The following ETV1 variants were observed in gnomAD, a reference collection of about 807,000 sequenced individuals.
ETV1 encodes the protein ETS translocation variant 1.
ETV1 carries 27 observed loss-of-function variants against 62.3 expected under a neutral mutation model. The observed-to-expected ratio is 0.43, with a 90% CI of 0.32 to 0.60. The LOEUF is 0.60. ETV1 is among the 20% of genes least tolerant of loss of function. The pLI is 0.06. For missense variants in ETV1, 605 were observed against 605.8 expected, an observed-to-expected ratio of 1.00 and a Z score of 0.01; for synonymous variants, 222 against 199.6, an observed-to-expected ratio of 1.11 and a Z score of -0.94.
At chr7:13,963,049 T>C (rs1374437486) in intron 6 of ETV1, among the ~76,000 whole-genome samples, 3 of 152,248 alleles carry the variant, frequency 2.0e-5, no homozygotes, top group Non-Finnish European at 1.5e-5. Context: ...TCAACACCTA[T>C]GAATGTAGTT....
rs147532302 is a variant in ETV1, at chr7:13,988,204, G to T, written c.46-31C>A. ...AAGGGAAAGATAAAATCCTTTAAAA[G>T]AATGTAAACCTCAGATCACACACAC... On this transcript the variant is annotated intron_variant, in intron 3 of 13. Transcript: ENST00000430479. 11,783 of 1,463,998 alleles carry T rather than the reference G, an allele frequency of 8.0e-3. 52 individuals are homozygous for T. Among genetic ancestry groups the T allele is most frequent in the Non-Finnish European group, 0.01 (10,607 of 1,044,860 alleles). 90.7% of individuals were successfully genotyped at this position (1,463,998 alleles called of 1,614,324 possible). A position where few individuals can be genotyped will look rare whatever the true frequency, so the allele number is the denominator to read the frequency against.
chr7:13,989,365 G>T lies in ETV1; in HGVS notation c.-185C>A, dbSNP rs904733360. On this transcript the variant is annotated 5_prime_UTR_variant, in exon 2 of 14. Coordinates refer to ENST00000430479, the MANE Select transcript of ETV1 (RefSeq NM_004956.5). ...CGATGTATTTATTTACACTCTCGAT[G>T]TTTCCCTGCGCGGTCGGTGTACCCC... The T allele has an allele frequency of 6.2e-6, 3 of 481,966 alleles. No homozygotes were observed. Among genetic ancestry groups the T allele is most frequent in the African/African-American group, 6.0e-5 (3 of 49,980 alleles). 29.9% of individuals were successfully genotyped at this position (481,966 alleles called of 1,614,324 possible).
chr7:13,945,364 A>G (rs1788031596), intron 6 of ETV1, among the ~76,000 whole-genome samples: 1 of 152,086 alleles, frequency 6.6e-6, no homozygotes, highest in African/African-American at 2.4e-5. Flanking sequence ...CTCCCGCTCC[A>G]GTAGTTTTGA....
intron 7 of ETV1, among the ~76,000 whole-genome samples, chr7:13,936,794 A>G (rs1325763979): frequency 6.6e-6 from 1 of 152,118 alleles, no homozygotes; most frequent in Non-Finnish European, 1.5e-5. Context: ...TGATCCTAGC[A>G]CTTTGGGAGG....
chr7:13,956,039 C>T (rs921926716), intron 6 of ETV1, among the ~76,000 whole-genome samples: 1 of 152,040 alleles, frequency 6.6e-6, no homozygotes, highest in African/African-American at 2.4e-5. Flanking sequence ...ATTTCAATAC[C>T]AATACCCCGC....
chr7:13,965,045 C>T (rs757700), intron 6 of ETV1, among the ~76,000 whole-genome samples: 88,867 of 152,006 alleles, frequency 0.58, 26,603 homozygotes, highest in Admixed American at 0.67. Flanking sequence ...CTAATACCTC[C>T]GCCGCTGCTG....
chr7:13,957,088 T>A (rs547542197), intron 6 of ETV1, among the ~76,000 whole-genome samples: 97 of 152,144 alleles, frequency 6.4e-4, no homozygotes, highest in Non-Finnish European at 9.7e-4. Context: ...ATTTATTTTT[T>A]ATTTTTATTT....
At chr7:13,922,951 A>G (rs985479439) in intron 9 of ETV1, among the ~76,000 whole-genome samples, 1 of 152,144 alleles carries the variant, frequency 6.6e-6, no homozygotes, top group Non-Finnish European at 1.5e-5. Flanking sequence ...ATAGCAATAA[A>G]TTGTTTTTTA....
intron 7 of ETV1, among the ~76,000 whole-genome samples, chr7:13,937,401 A>G (rs139700422): frequency 6.6e-6 from 1 of 152,342 alleles, no homozygotes; most frequent in Admixed American, 6.5e-5. Flanking sequence ...GAAATGCTGT[A>G]CTCAATAATA....
In ETV1 at chr7:13,931,605, G is replaced by C; in HGVS notation, c.699C>G (p.Asp233Glu). 6.2e-7 allele frequency: 1 copy of C among 1,614,080 alleles called. No individual in the cohort carries two copies. The highest frequency in any genetic ancestry group is 2.2e-5 in the East Asian group (1 of 44,882). Residue 233 changes from aspartate (D) to glutamate (E), a missense_variant, in exon 9 of 14, where the codon GAC becomes GAG. Coordinates refer to ENST00000430479, the MANE Select transcript of ETV1 (RefSeq NM_004956.5). ...CCATGGTGTTGTGTTCATACACTGG[G>C]TCGTGGTACTCCTGCTTAAAGCCTT... Reference protein sequence around the residue: ...PPQGFKQEYHDPVYEHNTMVG... With the variant: ...PPQGFKQEYHEPVYEHNTMVG...
rs180969180 is a variant in ETV1 at position 13,975,688 on chromosome 7, A to G, written c.235+1739T>C. Among the ~76,000 whole-genome samples the G allele has an allele frequency of 7.4e-3, 1,127 of 151,910 alleles. 14 individuals are homozygous for G. The highest frequency in any genetic ancestry group is 0.025 in the African/African-American group (1,055 of 41,474). ...ATGAGTTGAGTAAGAAGGAGTGGTC[A>G]AGGGTGTAAAAAACAAAAAAAAATA... On this transcript the variant is annotated intron_variant, in intron 6 of 13. Transcript: ENST00000430479.
chr7:13,960,869 T>C (rs1790083695), intron 6 of ETV1, among the ~76,000 whole-genome samples: 1 of 152,212 alleles, frequency 6.6e-6, no homozygotes, highest in Admixed American at 6.5e-5. Flanking sequence ...TGTTATCATA[T>C]GCTGGGAGTG....
chr7:13,894,452 A>G lies in ETV1; in HGVS notation c.*1414T>C, dbSNP rs1419102072. 4.3e-6 allele frequency: 1 copy of G among 232,680 alleles called. No individual in the cohort carries two copies. Among genetic ancestry groups the G allele is most frequent in the African/African-American group, 2.2e-5 (1 of 45,316 alleles). 14.4% of individuals were successfully genotyped at this position (232,680 alleles called of 1,614,324 possible). A position where few individuals can be genotyped will look rare whatever the true frequency, so the allele number is the denominator to read the frequency against. ...TGTCCAAAAAGAGATGATGGATAAT[A>G]TCAGTGCCAGCACTATGTCATACAG... On this transcript the variant is annotated 3_prime_UTR_variant, in exon 14 of 14. Transcript: ENST00000430479.
intron 6 of ETV1, among the ~76,000 whole-genome samples, chr7:13,941,958 G>T (rs1028694818): frequency 2.6e-5 from 4 of 151,500 alleles, no homozygotes; most frequent in African/African-American, 7.3e-5. Flanking sequence ...CTGTGTGTAG[G>T]CGAGATCTTA....
At chr7:13,929,754 G>GT in intron 9 of ETV1, among the ~76,000 whole-genome samples, 1 of 152,280 alleles carries the variant, frequency 6.6e-6, no homozygotes, top group Admixed American at 6.5e-5. Flanking sequence ...GAATTCATAG[G>GT]TTTTGGGGAG....
At chr7:13,970,303 CACACACACACACACACA>C (rs1780763678) in intron 6 of ETV1, among the ~76,000 whole-genome samples, 3 of 131,020 alleles carry the variant, frequency 2.3e-5, no homozygotes, top group African/African-American at 7.9e-5. Context: ...CACACACACA[CACACACACACACACACA>C]CACACAAAGC....
chr7:13,980,388 C>T (rs1454081373), intron 5 of ETV1, among the ~76,000 whole-genome samples: 1 of 152,062 alleles, frequency 6.6e-6, no homozygotes, highest in Middle Eastern at 3.2e-3. Context: ...ACTGCAGCTG[C>T]CTGAAAACTT....
At chr7:13,903,966 G>A (rs1327448653) in intron 12 of ETV1, among the ~76,000 whole-genome samples, 1 of 152,032 alleles carries the variant, frequency 6.6e-6, no homozygotes, top group Non-Finnish European at 1.5e-5. Context: ...AATGCAAGAT[G>A]AAATATAAAG....
At chr7:13,898,011 A>T (rs1055293776) in intron 13 of ETV1, among the ~76,000 whole-genome samples, 1 of 152,214 alleles carries the variant, frequency 6.6e-6, no homozygotes, top group African/African-American at 2.4e-5. Context: ...AAGCTTATGC[A>T]ATCTCTCAAG....
Sources: allele counts gnomAD v4.1 joint callset (sites outside exome capture counted in the v4.1 genomes callset), GRCh38; gene constraint gnomAD v4.1.1; transcripts MANE v1.5; gene names NCBI Gene and HGNC (gene_info 2026-07-23, HGNC 2026-07-21).